Variants in ATP11C observed in about 807,000 individuals in gnomAD.
ATP11C encodes the protein ATPase phospholipid transporting 11C (ATP11C blood group), also known as phospholipid-transporting ATPase IG.
In ATP11C, 36 loss-of-function variants were observed where a neutral mutation model predicts 97.4. The observed-to-expected ratio is 0.37, with a 90% CI of 0.28 to 0.49. The LOEUF (loss-of-function observed/expected upper bound fraction) is 0.49, where lower values mean the gene tolerates loss of function less well. Among genes scored for constraint, ATP11C ranks in the 20% least tolerant of loss-of-function variants. The pLI is 0.98. For missense variants in ATP11C, 730 were observed against 824.6 expected (o/e 0.89, Z 1.40); for synonymous variants, 275 against 290.9 (o/e 0.95, Z 0.56).
chrX:139,818,020 T>C (rs1223803957), intron 3 of ATP11C, among the ~76,000 whole-genome samples: 1 of 111,484 alleles, frequency 9.0e-6, no homozygotes, highest in African/African-American at 3.3e-5. Context: ...TATACTTCCA[T>C]GTACGCAAGG....
At chrX:139,837,304 A>G (rs1480580810) in intron 1 of ATP11C, among the ~76,000 whole-genome samples, 1 of 112,314 alleles carries the variant, frequency 8.9e-6, no homozygotes, top group Non-Finnish European at 1.9e-5. Flanking sequence ...ACATTAAAAA[A>G]TGCCTAGGAA....
intron 1 of ATP11C, among the ~76,000 whole-genome samples, chrX:139,910,645 A>C (rs144852810): frequency 1.4e-4 from 15 of 110,295 alleles, no homozygotes; most frequent in African/African-American, 4.3e-4. Context: ...GGACAACTGG[A>C]TTAAAATAAG....
chrX:139,879,134 G>A (rs938468074), intron 1 of ATP11C, among the ~76,000 whole-genome samples: 4 of 110,088 alleles, frequency 3.6e-5, no homozygotes, highest in African/African-American at 1.3e-4. Context: ...CAAAACAGGA[G>A]ACTATAAATG....
chrX:139,831,238 T>C (rs889761395), intron 1 of ATP11C, among the ~76,000 whole-genome samples: 2 of 111,148 alleles, frequency 1.8e-5, no homozygotes, highest in Admixed American at 9.6e-5. Context: ...ATTACAGTCA[T>C]ATTAACTGAA....
chrX:139,763,472 T>C, intron 20 of ATP11C, 54 bp from the exon 21 acceptor site: 1 of 953,346 alleles, frequency 1.0e-6, no homozygotes, highest in South Asian at 2.1e-5. Flanking sequence ...AATGTAAGAC[T>C]GGGCTACTTT....
chrX:139,816,153 TAAG>T (rs769372285), intron 4 of ATP11C, among the ~76,000 whole-genome samples: 1 of 111,940 alleles, frequency 8.9e-6, no homozygotes, highest in African/African-American at 3.2e-5. Context: ...CCAATAATGC[TAAG>T]AAGACCTTTG....
At chrX:139,920,499 T>C (rs1012798871) in intron 1 of ATP11C, among the ~76,000 whole-genome samples, 1 of 110,641 alleles carries the variant, frequency 9.0e-6, no homozygotes, top group Admixed American at 9.7e-5. Flanking sequence ...GATAAGAAAG[T>C]AGATGGGTGG....
At chrX:139,914,883 T>A (rs1423297914) in intron 1 of ATP11C, among the ~76,000 whole-genome samples, 2 of 111,842 alleles carry the variant, frequency 1.8e-5, no homozygotes. Context: ...CTTGTATATA[T>A]CCTATTGGTT....
chrX:139,917,158 C>T (rs1030883196), intron 1 of ATP11C, among the ~76,000 whole-genome samples: 1 of 111,025 alleles, frequency 9.0e-6, no homozygotes, highest in African/African-American at 3.3e-5. Flanking sequence ...CAAAAATTAA[C>T]TCAAAGTCGA....
intron 4 of ATP11C, among the ~76,000 whole-genome samples, chrX:139,815,672 G>A (rs2083272313): frequency 8.9e-6 from 1 of 111,844 alleles, no homozygotes; most frequent in Non-Finnish European, 1.9e-5. Context: ...TCTAAAGGAT[G>A]TTCATGAATG....
upstream of ATP11C, among the ~76,000 whole-genome samples, chrX:139,933,779 G>T (rs1475702260): frequency 1.8e-5 from 2 of 112,201 alleles, no homozygotes; most frequent in Non-Finnish European, 3.8e-5. Context: ...ACCCTCCGGA[G>T]TTCGGATTCA....
At chrX:139,850,595 A>T (rs1269955089) in intron 1 of ATP11C, among the ~76,000 whole-genome samples, 1 of 111,648 alleles carries the variant, frequency 9.0e-6, no homozygotes, top group Non-Finnish European at 1.9e-5. Flanking sequence ...GAAATGAGTT[A>T]AAGATGAAAT....
chrX:139,814,240 T>C (rs1290979080), intron 5 of ATP11C, among the ~76,000 whole-genome samples: 1 of 110,182 alleles, frequency 9.1e-6, no homozygotes, highest in Non-Finnish European at 1.9e-5. Context: ...TTGCCTGAGA[T>C]TGTCAAAAAA....
In ATP11C at chrX:139,782,732, G is replaced by A. The variant is rs756509640; in HGVS notation, c.1771-4C>T. 8.7e-7 allele frequency: 1 copy of A among 1,145,672 alleles called. No individual in the cohort carries two copies. Among genetic ancestry groups the A allele is most frequent in the Non-Finnish European group, 1.2e-6 (1 of 852,008 alleles). 94.4% of individuals were successfully genotyped at this position (1,145,672 alleles called of 1,213,427 possible). A position where few individuals can be genotyped will look rare whatever the true frequency, so the allele number is the denominator to read the frequency against. On this transcript the variant is annotated splice_region_variant and splice_polypyrimidine_tract_variant and intron_variant, in intron 17 of 29. Coordinates refer to ENST00000682941, the MANE Select transcript of ATP11C (RefSeq NM_001353812.2). The stretch of plus-strand genomic sequence containing the variant: ...CACAGAGTGTCCGATACCCATCCTA[G>A]GAGTAAAGTAGGAGATCTGTAGTTA...
chrX:139,769,112 T>A (rs749621085), intron 19 of ATP11C, among the ~76,000 whole-genome samples: 1 of 105,629 alleles, frequency 9.5e-6, no homozygotes, highest in South Asian at 4.4e-4. Flanking sequence ...AAACTTTTTT[T>A]TTTGATGTTT....
At chrX:139,929,103 T>C (rs757430451) in intron 1 of ATP11C, among the ~76,000 whole-genome samples, 15 of 112,249 alleles carry the variant, frequency 1.3e-4, no homozygotes, top group Non-Finnish European at 1.7e-4. Context: ...TAAATATGCC[T>C]TTGAAGAAAA....
At chrX:139,888,810 C>CA (rs202158166) in intron 1 of ATP11C, among the ~76,000 whole-genome samples, 15 of 108,346 alleles carry the variant, frequency 1.4e-4, no homozygotes, top group African/African-American at 4.7e-4. Context: ...AACCTGAACA[C>CA]AGTTTTTTTT....
intron 26 of ATP11C, among the ~76,000 whole-genome samples, chrX:139,742,875 AAATATATATATAT>A (rs1394174868): frequency 0.039 from 1,015 of 25,960 alleles, 7 homozygotes; most frequent in South Asian, 0.079. Context: ...AAAAAAAAAA[AAATATATATATAT>A]ATATATATAT....
rs762001124 is a variant in ATP11C at position 139,783,178 on chromosome X, C to T, written c.1756G>A (p.Glu586Lys). The T allele has an allele frequency of 8.3e-7, 1 of 1,201,478 alleles. No individual in the cohort carries two copies. The highest frequency in any genetic ancestry group is 2.2e-5 in the Admixed American group (1 of 45,847). Residue 586 changes from glutamate to lysine, a missense_variant, in exon 17 of 30, where the codon GAA becomes AAA. Physicochemically the swap from Glu to Lys is moderately conservative, Grantham distance 56. Transcript: ENST00000682941. ...HEIELTKVHV[E>K]RNAMDGYRTL... ...TATAGGCTCACCATTGCATTACGTT[C>T]CACATGGACTTTAGTTAACTCAATT...
Sources: allele counts gnomAD v4.1 joint callset (sites outside exome capture counted in the v4.1 genomes callset), GRCh38; gene constraint gnomAD v4.1.1; transcripts MANE v1.5; gene names NCBI Gene and HGNC (gene_info 2026-07-23, HGNC 2026-07-21).